ZNF697: variants seen among roughly 807,000 people sequenced by gnomAD.
ZNF697 encodes the protein zinc finger protein 697.
In ZNF697, 23 loss-of-function variants were observed where a neutral mutation model predicts 32.4. That is an observed-to-expected ratio of 0.71 (90% CI 0.51 to 1.01). The LOEUF (loss-of-function observed/expected upper bound fraction) is 1.01, where lower values mean the gene tolerates loss of function less well. Ranked by LOEUF, ZNF697 falls within the 50% of genes least tolerant of loss-of-function variation. The pLI is 0.00. For missense variants in ZNF697, 930 were observed against 794.0 expected (o/e 1.17, Z -2.06); for synonymous variants, 418 against 337.2 (o/e 1.24, Z -2.62).
At chr1:119,629,645 C>T (rs971459028) in intron 1 of ZNF697, among the ~76,000 whole-genome samples, 1 of 152,198 alleles carries the variant, frequency 6.6e-6, no homozygotes, top group African/African-American at 2.4e-5. Context: ...TTTGTAAAAG[C>T]TGCTGGCATG....
rs1471605249 is a variant in ZNF697 at position 119,635,319 on chromosome 1, G to A, written c.-37-9182C>T. On this transcript the variant is annotated intron_variant, in intron 1 of 2. Coordinates refer to ENST00000421812, the MANE Select transcript of ZNF697 (RefSeq NM_001080470.2). Reference sequence around the variant, plus strand: ...TACTGAACAGAGCTCATGGGAAGTGGGAGAAGGGGCAGTGGAGCAAAGATA... The same window carrying A: ...TACTGAACAGAGCTCATGGGAAGTGAGAGAAGGGGCAGTGGAGCAAAGATA... 3.3e-5 allele frequency among the ~76,000 whole-genome samples: 5 copies of A among 152,280 alleles called. No individual in the cohort carries two copies. In the East Asian group the frequency reaches 9.6e-4, roughly 29 times the overall value.
At chr1:119,639,992 T>C (rs772941372) in intron 1 of ZNF697, among the ~76,000 whole-genome samples, 2 of 152,254 alleles carry the variant, frequency 1.3e-5, no homozygotes, top group Admixed American at 1.3e-4. Flanking sequence ...AGAGAACAAC[T>C]GAACCTACCT....
chr1:119,643,697 A>T (rs1649137234), intron 1 of ZNF697, among the ~76,000 whole-genome samples: 1 of 152,158 alleles, frequency 6.6e-6, no homozygotes, highest in African/African-American at 2.4e-5. Context: ...GATGTGCATG[A>T]CATCTGAGAG....
rs1557944372 is a variant in ZNF697, at chr1:119,648,216, G to GGCTGGCTGGCTGGCTGGCTC, written c.-583_-564dup. On this transcript the variant is annotated 5_prime_UTR_variant, in exon 1 of 3. Coordinates refer to ENST00000421812, the MANE Select transcript of ZNF697 (RefSeq NM_001080470.2). ...TGGCTGGCTGGTTGGCTGGCTGGCT[G>GGCTGGCTGGCTGGCTGGCTC]GCTGGCTGGCTGGCTGGCTCGCTGG... Among the ~76,000 whole-genome samples the GGCTGGCTGGCTGGCTGGCTC allele has an allele frequency of 1.3e-5, 2 of 150,684 alleles. No individual in the cohort carries two copies. Among genetic ancestry groups the GGCTGGCTGGCTGGCTGGCTC allele is most frequent in the African/African-American group, 2.4e-5 (1 of 41,094 alleles).
In ZNF697 at chr1:119,623,931, G is replaced by A. The variant is rs1471867510; in HGVS notation, c.412C>T (p.Pro138Ser). The A allele has an allele frequency of 1.3e-6, 2 of 1,588,178 alleles. No individual in the cohort carries two copies. Among genetic ancestry groups the A allele is most frequent in the Non-Finnish European group, 1.7e-6 (2 of 1,167,446 alleles). ...TGTCGCCTCCAGGGAAGTACGGGAG[G>A]GGCCGGCTGCTCCTCTTCCTCCTCC... ...RLEEEEEQPA[P>S]PVLPWRRHLS... is the part of the protein sequence containing the mutation. The change falls in exon 3 of 3, where the codon CCT (proline) becomes TCT (serine). Residue 138 changes from proline (P) to serine (S), a missense_variant. Transcript: ENST00000421812.
rs1194883306 is a variant in ZNF697, at chr1:119,648,229, G to T, written c.-576C>A. ...GGCTGGCTGGCTGGCTGGCTGGCTGGCTGGCTCGCTGGCTGGCTGCCCGGC... is the reference window on the plus strand; with the variant it reads ...GGCTGGCTGGCTGGCTGGCTGGCTGTCTGGCTCGCTGGCTGGCTGCCCGGC... On this transcript the variant is annotated 5_prime_UTR_variant, in exon 1 of 3. Transcript: ENST00000421812. 6.6e-6 allele frequency among the ~76,000 whole-genome samples: 1 copy of T among 150,838 alleles called. No individual in the cohort carries two copies. Among genetic ancestry groups the T allele is most frequent in the Non-Finnish European group, 1.5e-5 (1 of 67,616 alleles).
At chr1:119,637,299 C>A (rs1648949994) in intron 1 of ZNF697, among the ~76,000 whole-genome samples, 1 of 152,314 alleles carries the variant, frequency 6.6e-6, no homozygotes, top group African/African-American at 2.4e-5. Context: ...TCCAATGTGA[C>A]CCATTACTAC....
rs1553230603 is a variant in ZNF697 at position 119,648,224 on chromosome 1, G to GGCTGGCTA, written c.-572_-571insTAGCCAGC. On this transcript the variant is annotated 5_prime_UTR_variant, in exon 1 of 3. Coordinates refer to ENST00000421812, the MANE Select transcript of ZNF697 (RefSeq NM_001080470.2). ...TGGTTGGCTGGCTGGCTGGCTGGCT[G>GGCTGGCTA]GCTGGCTGGCTCGCTGGCTGGCTGC... Among the ~76,000 whole-genome samples, 1 of 150,666 alleles carries GGCTGGCTA rather than the reference G, an allele frequency of 6.6e-6. No individual in the cohort carries two copies. The highest frequency in any genetic ancestry group is 2.5e-5 in the African/African-American group (1 of 40,314).
intron 1 of ZNF697, among the ~76,000 whole-genome samples, chr1:119,639,357 A>G (rs754835870): frequency 1.3e-5 from 2 of 152,158 alleles, no homozygotes; most frequent in Non-Finnish European, 2.9e-5. Flanking sequence ...TTCTGCTCAG[A>G]AACCCCTAAG....
Position 119,622,664 on chromosome 1 carries a change from C to A in ZNF697, c.*41G>T. The A allele has an allele frequency of 2.0e-6, 3 of 1,473,390 alleles. No homozygotes were observed. Among genetic ancestry groups the A allele is most frequent in the South Asian group, 2.8e-5 (2 of 72,518 alleles). 91.3% of individuals were successfully genotyped at this position (1,473,390 alleles called of 1,614,324 possible). A position where few individuals can be genotyped will look rare whatever the true frequency, so the allele number is the denominator to read the frequency against. ...GGGTCAGTCCCAGGATATCTACCCC[C>A]CACAGGCTCCCCAGACGGCAGCCTC... is the stretch of plus-strand genomic sequence containing the variant. On this transcript the variant is annotated 3_prime_UTR_variant, in exon 3 of 3. Transcript: ENST00000421812.
Position 119,646,271 on chromosome 1 carries a change from C to A in ZNF697, c.-38+1420G>T, listed in dbSNP as rs202156232. 4.0e-5 allele frequency among the ~76,000 whole-genome samples: 6 copies of A among 150,992 alleles called. No individual in the cohort carries two copies. In the East Asian group the frequency reaches 9.8e-4, roughly 25 times the overall value. On this transcript the variant is annotated intron_variant, in intron 1 of 2. Transcript: ENST00000421812. ...GGATGCCATCTTATTCTCTGTTGGG[C>A]ATGGCTGAACTTTTGACATCAACTT...
intron 1 of ZNF697, among the ~76,000 whole-genome samples, chr1:119,643,335 C>A (rs1649125478): frequency 6.6e-6 from 1 of 152,202 alleles, no homozygotes; most frequent in Admixed American, 6.5e-5. Flanking sequence ...CCCAAGAACT[C>A]TCCTATTCTC....
chr1:119,627,017 T>C (rs1376915369), intron 1 of ZNF697, among the ~76,000 whole-genome samples: 1 of 152,244 alleles, frequency 6.6e-6, no homozygotes, highest in Non-Finnish European at 1.5e-5. Flanking sequence ...AAACCTTTTG[T>C]AGACGTCAGG....
intron 1 of ZNF697, among the ~76,000 whole-genome samples, chr1:119,628,442 G>C (rs1353588181): frequency 6.6e-6 from 1 of 152,196 alleles, no homozygotes; most frequent in African/African-American, 2.4e-5. Context: ...TGAAGGCAGG[G>C]AGAGGGGAGA....
In ZNF697 at chr1:119,623,607, A is replaced by G; in HGVS notation, c.736T>C (p.Phe246Leu). ...CGGGCCAGCGGGGGCCCGGCCCCGAAGCCCCCCGCCACACCCACCCCCATC... is the reference window on the plus strand; with the variant it reads ...CGGGCCAGCGGGGGCCCGGCCCCGAGGCCCCCCGCCACACCCACCCCCATC... The part of the protein sequence containing the change: ...GMMGVGVAGG[F>L]GAGPPLARPP... Residue 246 changes from phenylalanine to leucine, a missense_variant, in exon 3 of 3, where the codon TTC (phenylalanine) becomes CTC (leucine). Transcript: ENST00000421812. 2 of 1,427,014 alleles carry G rather than the reference A, an allele frequency of 1.4e-6. No homozygotes were observed. The highest frequency in any genetic ancestry group is 1.8e-6 in the Non-Finnish European group (2 of 1,103,214). The allele number at this position is 1,427,014 out of a possible 1,614,324, so 88.4% of individuals were successfully genotyped here.
intron 1 of ZNF697, among the ~76,000 whole-genome samples, chr1:119,626,875 C>T (rs969453559): frequency 6.6e-5 from 10 of 152,134 alleles, no homozygotes; most frequent in Non-Finnish European, 1.0e-4. Flanking sequence ...TCTCTATCAT[C>T]CTAATTACAT....
intron 1 of ZNF697, among the ~76,000 whole-genome samples, chr1:119,637,971 G>A (rs587700336): frequency 2.6e-5 from 4 of 152,148 alleles, no homozygotes; most frequent in Non-Finnish European, 5.9e-5. Context: ...GAGACAGAGA[G>A]AGAGAGAGAG....
At chr1:119,644,567 T>G (rs892852355) in intron 1 of ZNF697, among the ~76,000 whole-genome samples, 1 of 152,220 alleles carries the variant, frequency 6.6e-6, no homozygotes, top group African/African-American at 2.4e-5. Flanking sequence ...CAGTTCAGAA[T>G]CTGGGACTCC....
rs2101073633 is a variant in ZNF697, at chr1:119,620,572, A to G, written c.*2133T>C. The G allele has an allele frequency of 6.5e-6, 1 of 152,822 alleles. No individual in the cohort carries two copies. The highest frequency in any genetic ancestry group is 3.4e-3 in the Middle Eastern group (1 of 294). The allele number at this position is 152,822 out of a possible 1,614,324, so 9.5% of individuals were successfully genotyped here. On this transcript the variant is annotated 3_prime_UTR_variant, in exon 3 of 3. Transcript: ENST00000421812. ...ATGTTTAGTATTCAGATTACAAATCAGAATTCAAAACGGACACTTGTTTGC... is the reference window on the plus strand; with the variant it reads ...ATGTTTAGTATTCAGATTACAAATCGGAATTCAAAACGGACACTTGTTTGC...
Sources: allele counts gnomAD v4.1 joint callset (sites outside exome capture counted in the v4.1 genomes callset), GRCh38; gene constraint gnomAD v4.1.1; transcripts MANE v1.5; gene names NCBI Gene and HGNC (gene_info 2026-07-23, HGNC 2026-07-21).